The following DNMT3A variants were observed in gnomAD, a reference collection of about 807,000 sequenced individuals.
The protein encoded by DNMT3A is DNA methyltransferase 3 alpha.
A neutral mutation model predicts 117.6 loss-of-function variants in DNMT3A; 267 were observed. The ratio of observed to expected loss-of-function variants is 2.27; its 90% CI spans 2.05 to 2.51. The LOEUF is 2.51. Among genes scored for constraint, DNMT3A ranks in the 30% most tolerant of loss-of-function variants. DNMT3A has a pLI of 0.00. For synonymous variants in DNMT3A, 432 were observed against 474.8 expected (o/e 0.91, Z 1.17); for missense variants, 1,029 against 1,260.2 (o/e 0.82, Z 2.78).
intron 1 of DNMT3A, among the ~76,000 whole-genome samples, chr2:25,322,994 C>T (rs2034653052): frequency 6.6e-6 from 1 of 151,908 alleles, no homozygotes; most frequent in African/African-American, 2.4e-5. Flanking sequence ...CTCTAGTGGA[C>T]TCTGGTTGTT....
Position 25,230,930 on chromosome 2 carries a change from C to T in DNMT3A, c.*3349G>A, listed in dbSNP as rs1354890914. The T allele has an allele frequency of 6.6e-6, 1 of 152,176 alleles. No homozygotes were observed. Among genetic ancestry groups the T allele is most frequent in the Non-Finnish European group, 1.5e-5 (1 of 68,106 alleles). 9.4% of individuals were successfully genotyped at this position (152,176 alleles called of 1,614,324 possible). A position where few individuals can be genotyped will look rare whatever the true frequency, so the allele number is the denominator to read the frequency against. On this transcript the variant is annotated 3_prime_UTR_variant, in exon 23 of 23. Transcript: ENST00000321117. ...CTGTGCCCAGCACTCCCTCCTCGAG[C>T]AAGCCGGCCCACAGGAATCCCCCAG...
intron 6 of DNMT3A, among the ~76,000 whole-genome samples, chr2:25,261,743 C>G (rs1212280286): frequency 6.6e-6 from 1 of 152,076 alleles, no homozygotes; most frequent in Non-Finnish European, 1.5e-5. Context: ...GACGTTGACC[C>G]CCGGCCACCT....
At chr2:25,273,129 CATG>C (rs1336140308) in intron 6 of DNMT3A, among the ~76,000 whole-genome samples, 2 of 151,994 alleles carry the variant, frequency 1.3e-5, no homozygotes, top group Non-Finnish European at 2.9e-5. Context: ...CGCCTGCCAC[CATG>C]CCCGGCTAAT....
intron 6 of DNMT3A, among the ~76,000 whole-genome samples, chr2:25,250,063 C>T (rs1292187047): frequency 3.9e-5 from 6 of 152,086 alleles, no homozygotes; most frequent in African/African-American, 1.5e-4. Context: ...GTTGCTCCAA[C>T]ATAAAAAGGC....
At chr2:25,269,986 C>T (rs1354672227) in intron 6 of DNMT3A, among the ~76,000 whole-genome samples, 5 of 152,150 alleles carry the variant, frequency 3.3e-5, no homozygotes, top group African/African-American at 7.2e-5. Flanking sequence ...CTGGGGAGTG[C>T]GTTCCCAGGG....
At chr2:25,315,484 T>C (rs2034335297) in intron 1 of DNMT3A, among the ~76,000 whole-genome samples, 1 of 152,110 alleles carries the variant, frequency 6.6e-6, no homozygotes, top group Non-Finnish European at 1.5e-5. Flanking sequence ...CCATTCCCCA[T>C]ACCCCTAGGC....
At chr2:25,289,465 T>C (rs1451637553) in intron 3 of DNMT3A, among the ~76,000 whole-genome samples, 1 of 152,168 alleles carries the variant, frequency 6.6e-6, no homozygotes, top group Non-Finnish European at 1.5e-5. Flanking sequence ...GGACTGGGCA[T>C]ACATATGCTT....
In DNMT3A at chr2:25,237,091, A is replaced by G. The variant is rs942458220; in HGVS notation, c.2409-86T>C. ...GCTGCACGACTCCCCTCCCTCCCCC[A>G]GCAGCCACTAGTTCACAGGGTAAGA... On this transcript the variant is annotated intron_variant, in intron 20 of 22. Coordinates refer to ENST00000321117, the MANE Select transcript of DNMT3A (RefSeq NM_022552.5). The surrounding 1 kb of genome is among the most constrained non-coding windows in gnomAD (Gnocchi z 5.4). 487 of 1,347,276 alleles carry G rather than the reference A, an allele frequency of 3.6e-4. 1 individual carries two copies. Among genetic ancestry groups the G allele is most frequent in the Middle Eastern group, 2.1e-3 (11 of 5,252 alleles). The allele number at this position is 1,347,276 out of a possible 1,614,324, so 83.5% of individuals were successfully genotyped here. A position where few individuals can be genotyped will look rare whatever the true frequency, so the allele number is the denominator to read the frequency against.
chr2:25,245,966 T>C (rs1674697599), intron 12 of DNMT3A, 54 bp downstream of exon 12: 1 of 1,611,550 alleles, frequency 6.2e-7, no homozygotes, highest in Non-Finnish European at 8.5e-7. Flanking sequence ...GTGCCTCTGC[T>C]ACTCTGCCCC....
intron 1 of DNMT3A, among the ~76,000 whole-genome samples, chr2:25,340,009 A>T (rs2035352421): frequency 6.6e-6 from 1 of 152,188 alleles, no homozygotes; most frequent in Non-Finnish European, 1.5e-5. Context: ...AGGGATGCTG[A>T]TGGCAGTCTC....
chr2:25,268,291 C>A lies in DNMT3A; in HGVS notation c.639+6650G>T, dbSNP rs2030548684. ...CTAGAACAATAGGACATGGTACCCG[C>A]TGCCTAGACGGAATTTAGAATCCGG... On this transcript the variant is annotated intron_variant, in intron 6 of 22. Coordinates refer to ENST00000321117, the MANE Select transcript of DNMT3A (RefSeq NM_022552.5). 2.0e-5 allele frequency among the ~76,000 whole-genome samples: 3 copies of A among 152,326 alleles called. No individual in the cohort carries two copies. In the South Asian group the frequency reaches 6.2e-4, roughly 32 times the overall value.
At chr2:25,255,366 A>T (rs183211110) in intron 6 of DNMT3A, among the ~76,000 whole-genome samples, 4 of 152,358 alleles carry the variant, frequency 2.6e-5, no homozygotes, top group Non-Finnish European at 5.9e-5. Flanking sequence ...GCCAAACTCA[A>T]ATAGCAGCAC....
At chr2:25,276,617 C>A (rs759191074) in intron 4 of DNMT3A, among the ~76,000 whole-genome samples, 1 of 152,236 alleles carries the variant, frequency 6.6e-6, no homozygotes, top group African/African-American at 2.4e-5. Context: ...CCTTTCCAGG[C>A]ACCCCTTCCA....
chr2:25,261,693 G>A (rs1676628660), intron 6 of DNMT3A, among the ~76,000 whole-genome samples: 1 of 152,058 alleles, frequency 6.6e-6, no homozygotes, highest in South Asian at 2.1e-4. Flanking sequence ...GGTGAAAGGG[G>A]GGTTCAGTAG....
Position 25,289,399 on chromosome 2 carries a change from C to A in DNMT3A, c.178-6688G>T, listed in dbSNP as rs139540694. Among the ~76,000 whole-genome samples, 11 of 152,342 alleles carry A rather than the reference C, an allele frequency of 7.2e-5. No homozygotes were observed. In the East Asian group the frequency reaches 2.1e-3, roughly 29 times the overall value. ...ACAGGCGTGAGCCACCGCACCCGGCCAATCTTATTTAACTTTGTAGGCCTC... is the reference window on the plus strand; with the variant it reads ...ACAGGCGTGAGCCACCGCACCCGGCAAATCTTATTTAACTTTGTAGGCCTC... On this transcript the variant is annotated intron_variant, in intron 3 of 22. Transcript: ENST00000321117.
rs2033746659 is a variant in DNMT3A, at chr2:25,305,693, C to T, written c.73-5450G>A. Among the ~76,000 whole-genome samples, 1 of 152,180 alleles carries T rather than the reference C, an allele frequency of 6.6e-6. No individual in the cohort carries two copies. Among genetic ancestry groups the T allele is most frequent in the Admixed American group, 6.5e-5 (1 of 15,282 alleles). Reference sequence around the variant, plus strand: ...TTCTACTGCAACATGCCACTATACCCTACCATGTCAACAGGCACACACACA... The same window carrying T: ...TTCTACTGCAACATGCCACTATACCTTACCATGTCAACAGGCACACACACA... On this transcript the variant is annotated intron_variant, in intron 2 of 22. Transcript: ENST00000321117. This position sits in a 1 kb window ranked among gnomAD's most constrained non-coding sequence, Gnocchi z 4.1.
At chr2:25,314,843 T>C (rs754053914) in intron 1 of DNMT3A, among the ~76,000 whole-genome samples, 1 of 152,210 alleles carries the variant, frequency 6.6e-6, no homozygotes, top group Non-Finnish European at 1.5e-5. Flanking sequence ...GCAGAGTTGG[T>C]GGGCTTGAGG....
chr2:25,307,459 C>CTTT (rs35144977), intron 2 of DNMT3A, among the ~76,000 whole-genome samples: 1,184 of 79,020 alleles, frequency 0.015, 56 homozygotes, highest in African/African-American at 0.019. Context: ...CACACCGCAG[C>CTTT]TTTTTTTTTT....
rs763793247 is a variant in DNMT3A, at chr2:25,282,638, G to A, written c.251C>T (p.Ala84Val). Residue 84 changes from alanine to valine, a missense_variant, in exon 4 of 23, where the codon GCC (alanine) becomes GTC (valine). By Grantham distance (64) the Ala-to-Val change is moderately conservative. Coordinates refer to ENST00000321117, the MANE Select transcript of DNMT3A (RefSeq NM_022552.5). This position sits in a 1 kb window ranked among gnomAD's most constrained non-coding sequence, Gnocchi z 5.2. ...KSPSMAQDSG[A>V]SELLPNGDLE... The stretch of plus-strand genomic sequence containing the variant: ...GTCCCCATTGGGTAATAGCTCTGAG[G>A]CGCCTGAGTCCTGGGCCATGGATGG... 1 of 1,612,864 alleles carries A rather than the reference G, an allele frequency of 6.2e-7. No homozygotes were observed. The highest frequency in any genetic ancestry group is 8.5e-7 in the Non-Finnish European group (1 of 1,179,442).
Sources: gnomAD v4.1 joint callset for allele counts (sites outside exome capture counted in the v4.1 genomes callset) on GRCh38, gnomAD v4.1.1 for gene constraint, Gnocchi (gnomAD v3.1) non-coding constraint, MANE v1.5 for transcripts, NCBI Gene and HGNC (gene_info 2026-07-23, HGNC 2026-07-21) for gene names.